NEIL1: variants seen among roughly 807,000 people sequenced by gnomAD.
NEIL1 encodes nei like DNA glycosylase 1, also known as endonuclease 8-like 1.
In NEIL1, 31 loss-of-function variants were observed where a neutral mutation model predicts 44.2. That is an observed-to-expected ratio of 0.70 (90% CI 0.53 to 0.95). The LOEUF (loss-of-function observed/expected upper bound fraction) is 0.95. Ranked by LOEUF, NEIL1 falls within the 40% of genes least tolerant of loss-of-function variation. The pLI is 0.00. For missense variants in NEIL1, 549 were observed against 515.5 expected, an observed-to-expected ratio of 1.07 and a Z score of -0.63; for synonymous variants, 254 against 209.7, an observed-to-expected ratio of 1.21 and a Z score of -1.83.
Position 75,352,375 on chromosome 15 carries a change from G to C in NEIL1, c.606G>C (p.Gln202His). 6.2e-7 allele frequency: 1 copy of C among 1,613,902 alleles called. No individual in the cohort carries two copies. Among genetic ancestry groups the C allele is most frequent in the Non-Finnish European group, 8.5e-7 (1 of 1,180,032 alleles). The change falls in exon 4 of 10, where the codon CAG becomes CAC. Residue 202 changes from glutamine (Q) to histidine (H), a missense_variant. Gln to His is a conservative substitution (Grantham distance 24). Coordinates refer to ENST00000355059, the MANE Select transcript of NEIL1 (RefSeq NM_024608.4). ...CCCGCTCGGTCCTGGAGGCCCTGCAGCAGCACAGGCCGGTAAGCCCAGAGA... is the reference window on the plus strand; with the variant it reads ...CCCGCTCGGTCCTGGAGGCCCTGCACCAGCACAGGCCGGTAAGCCCAGAGA... ...EKARSVLEAL[Q>H]QHRPSPELTL...
chr15:75,351,421 G>C, intron 2 of NEIL1: 1 of 370,506 alleles, frequency 2.7e-6, no homozygotes, highest in Non-Finnish European at 5.2e-6. Context: ...AACCACAGGA[G>C]TGCATCACTA....
In NEIL1 at chr15:75,354,720, C is replaced by T. The variant is rs1285582446; in HGVS notation, c.1004C>T (p.Thr335Ile). The T allele has an allele frequency of 6.2e-7, 1 of 1,614,172 alleles. No individual in the cohort carries two copies. Among genetic ancestry groups the T allele is most frequent in the African/African-American group, 1.3e-5 (1 of 75,062 alleles). Reference sequence around the variant, plus strand: ...GCAAAGAGAGACCTTCCTAAGAGGACTGCAACCCAGCGGCCTGAGGGGACC... The same window carrying T: ...GCAAAGAGAGACCTTCCTAAGAGGATTGCAACCCAGCGGCCTGAGGGGACC... The part of the protein sequence containing the change: ...RRAKRDLPKR[T>I]ATQRPEGTSL... The change falls in exon 9 of 10, where the codon ACT becomes ATT. Residue 335 changes from threonine to isoleucine, a missense_variant. By Grantham distance (89) the Thr-to-Ile change is moderately conservative (BLOSUM62 -1). Transcript: ENST00000355059.
chr15:75,355,430 C>A lies in NEIL1; in HGVS notation c.*396C>A. On this transcript the variant is annotated 3_prime_UTR_variant, in exon 10 of 10. Transcript: ENST00000355059. ...GCCCCTCAGAGGTGGTACAAAGACCCTGGCCCCAGGCAGCCCAGGAGCCAG... is the reference window on the plus strand; with the variant it reads ...GCCCCTCAGAGGTGGTACAAAGACCATGGCCCCAGGCAGCCCAGGAGCCAG... The A allele has an allele frequency of 4.3e-6, 1 of 230,358 alleles. No individual in the cohort carries two copies. The highest frequency in any genetic ancestry group is 8.6e-6 in the Non-Finnish European group (1 of 116,916). 14.3% of individuals were successfully genotyped at this position (230,358 alleles called of 1,614,324 possible).
chr15:75,355,763 A>T lies in NEIL1; in HGVS notation c.*729A>T. 2 of 433,746 alleles carry T rather than the reference A, an allele frequency of 4.6e-6. No individual in the cohort carries two copies. The highest frequency in any genetic ancestry group is 8.2e-6 in the Non-Finnish European group (2 of 244,068). 26.9% of individuals were successfully genotyped at this position (433,746 alleles called of 1,614,324 possible). On this transcript the variant is annotated 3_prime_UTR_variant, in exon 10 of 10. Coordinates refer to ENST00000355059, the MANE Select transcript of NEIL1 (RefSeq NM_024608.4). The stretch of plus-strand genomic sequence containing the variant: ...TCCCACCCCCACCCCAAGCGTGAGG[A>T]TGGGCCCTAAGGGGACTGAGCAGCA...
chr15:75,356,010 C>A lies in NEIL1; in HGVS notation c.*976C>A. On this transcript the variant is annotated 3_prime_UTR_variant, in exon 10 of 10. Transcript: ENST00000355059. This position sits in a 1 kb window ranked among gnomAD's most constrained non-coding sequence, Gnocchi z 5.8. ...CGAAGGGTCAAGTGGCCAGCAGGGT[C>A]TGGTCGCTCCAAGAGATCGCAGCTG... 1 of 1,614,076 alleles carries A rather than the reference C, an allele frequency of 6.2e-7. No homozygotes were observed.
At chr15:75,349,366 CAT>C (rs2071703551) in intron 2 of NEIL1, 27 bp downstream of exon 2, 5 of 1,569,074 alleles carry the variant, frequency 3.2e-6, no homozygotes, top group Non-Finnish European at 3.5e-6. Flanking sequence ...GTGTGATGAA[CAT>C]AGTCGCGGGC....
At position 75,356,924 on chromosome 15, in the gene NEIL1, C is replaced by T; in HGVS notation, c.*1890C>T. 6.3e-7 allele frequency: 1 copy of T among 1,596,612 alleles called. No individual in the cohort carries two copies. The highest frequency in any genetic ancestry group is 1.1e-5 in the South Asian group (1 of 90,698). On this transcript the variant is annotated 3_prime_UTR_variant, in exon 10 of 10. Transcript: ENST00000355059. The surrounding 1 kb of genome is among the most constrained non-coding windows in gnomAD (Gnocchi z 5.8). Reference sequence around the variant, plus strand: ...ACACCTGGAGGGCAGATCCAAGACCCACTTGGTGGCCCTGTGCCCCTCTTT... The same window carrying T: ...ACACCTGGAGGGCAGATCCAAGACCTACTTGGTGGCCCTGTGCCCCTCTTT...
chr15:75,349,838 ATGGGGG>A (rs1361184822), intron 2 of NEIL1: 1 of 161,470 alleles, frequency 6.2e-6, no homozygotes, highest in African/African-American at 2.4e-5. Flanking sequence ...ATAATAACTG[ATGGGGG>A]AGGAGAGAGG....
At position 75,349,217 on chromosome 15, in the gene NEIL1, C is replaced by T. The variant is rs143711559; in HGVS notation, c.312C>T (p.Ala104=). The T allele has an allele frequency of 3.0e-5, 48 of 1,609,408 alleles. No individual in the cohort carries two copies. The African/African-American group carries it at 4.9e-4, about 17-fold the overall frequency. Residue 104 remains alanine (A), a synonymous_variant, in exon 2 of 10, where the codon GCC becomes GCT. Coordinates refer to ENST00000355059, the MANE Select transcript of NEIL1 (RefSeq NM_024608.4). The part of the protein sequence containing the change: ...PRHAHLRFYT[A]PPGPRLALCF... ...ATGCCCACCTGCGCTTTTACACGGC[C>T]CCGCCTGGCCCCCGGCTCGCCCTAT...
chr15:75,348,251 C>G (rs2071597199), intron 1 of NEIL1: 2 of 897,388 alleles, frequency 2.2e-6, no homozygotes, highest in African/African-American at 1.8e-5. Flanking sequence ...GGGGCAGGCC[C>G]GGTTCTCGCT....
rs777023604 is a variant in NEIL1 at position 75,354,674 on chromosome 15, G to T, written c.958G>T (p.Ala320Ser). The change falls in exon 9 of 10, where the codon GCC (alanine) becomes TCC (serine). Residue 320 changes from alanine to serine, a missense_variant. Ala to Ser is a moderately conservative substitution (Grantham distance 99). Coordinates refer to ENST00000355059, the MANE Select transcript of NEIL1 (RefSeq NM_024608.4). ...RVEDALPPSK[A>S]PSRTRRAKRD... ...CCAGGACGCTTTGCCTCCAAGCAAG[G>T]CCCCTTCCAGGACACGAAGGGCAAA... is the stretch of plus-strand genomic sequence containing the variant. 3 of 1,614,180 alleles carry T rather than the reference G, an allele frequency of 1.9e-6. No homozygotes were observed. Among genetic ancestry groups the T allele is most frequent in the Non-Finnish European group, 2.5e-6 (3 of 1,180,024 alleles).
chr15:75,355,828 G>T lies in NEIL1; in HGVS notation c.*794G>T. The T allele has an allele frequency of 6.5e-7, 1 of 1,547,342 alleles. No homozygotes were observed. The highest frequency in any genetic ancestry group is 8.9e-7 in the Non-Finnish European group (1 of 1,128,768). ...AGGATTTATTCCACAAGAAAAGACT[G>T]ATCCCTGCTTTAGGCTGGGGAAGCA... On this transcript the variant is annotated 3_prime_UTR_variant, in exon 10 of 10. Transcript: ENST00000355059.
At chr15:75,348,039 TACCC>T (rs2141306950) in intron 1 of NEIL1, 1 of 1,128,996 alleles carries the variant, frequency 8.9e-7, no homozygotes, top group Admixed American at 3.2e-5. Context: ...GAGGAGTCGA[TACCC>T]CCCACCCCAG....
chr15:75,356,385 C>A lies in NEIL1; in HGVS notation c.*1351C>A. ...TGGCGGGCGCTGGGCTGGGGGCTGG[C>A]AGAGCCAACAGGGGGAAGTTTAGGC... On this transcript the variant is annotated 3_prime_UTR_variant, in exon 10 of 10. Coordinates refer to ENST00000355059, the MANE Select transcript of NEIL1 (RefSeq NM_024608.4). The surrounding 1 kb of genome is among the most constrained non-coding windows in gnomAD (Gnocchi z 5.8). 1 of 1,611,290 alleles carries A rather than the reference C, an allele frequency of 6.2e-7. No individual in the cohort carries two copies. The highest frequency in any genetic ancestry group is 8.5e-7 in the Non-Finnish European group (1 of 1,179,056).
At chr15:75,353,571 G>A (rs368606707) in intron 5 of NEIL1, 168 bp from the exon 6 acceptor site, 87 of 790,958 alleles carry the variant, frequency 1.1e-4, no homozygotes, top group Admixed American at 5.0e-4. Flanking sequence ...ACCCATGGCC[G>A]AGTGGGAAGA....
rs767342082 is a variant in NEIL1, at chr15:75,355,929, C to G, written c.*895C>G. On this transcript the variant is annotated 3_prime_UTR_variant, in exon 10 of 10. Transcript: ENST00000355059. ...ACTCAGTGTGGCGGAGGCTGAAGCA[C>G]GAGCAACAGGGACAGCACTTGGAAG... 6 of 1,614,178 alleles carry G rather than the reference C, an allele frequency of 3.7e-6. No homozygotes were observed. The highest frequency in any genetic ancestry group is 2.5e-6 in the Non-Finnish European group (3 of 1,180,036).
Position 75,348,883 on chromosome 15 carries a change from G to T in NEIL1, c.-22-1G>T. On this transcript the variant is annotated splice_acceptor_variant, in intron 1 of 9. Transcript: ENST00000355059. LOFTEE classifies it low-confidence loss of function (5UTR_SPLICE). ...CAACCCGCTGCCTTCCTCCCCAACA[G>T]GACTCTGCCACCCTCCCTCAGGATG... 1.9e-6 allele frequency: 3 copies of T among 1,606,176 alleles called. No individual in the cohort carries two copies. The highest frequency in any genetic ancestry group is 2.5e-6 in the Non-Finnish European group (3 of 1,178,036).
At chr15:75,350,542 G>A (rs966807100) in intron 2 of NEIL1, among the ~76,000 whole-genome samples, 26 of 152,190 alleles carry the variant, frequency 1.7e-4, no homozygotes. Context: ...CTGGAGTAGG[G>A]TTGGCAAGTT....
At chr15:75,348,072 G>T (rs1374142606) in intron 1 of NEIL1, 1 of 1,054,124 alleles carries the variant, frequency 9.5e-7, no homozygotes, top group Non-Finnish European at 1.2e-6. Flanking sequence ...CGCTGCCGCG[G>T]GCCCTTTCCC....
Sources: allele counts gnomAD v4.1 joint callset (sites outside exome capture counted in the v4.1 genomes callset), GRCh38; gene constraint gnomAD v4.1.1; non-coding constraint Gnocchi (gnomAD v3.1); transcripts MANE v1.5; gene names NCBI Gene and HGNC (gene_info 2026-07-23, HGNC 2026-07-21).